Variants in KAT6B observed in about 807,000 individuals in gnomAD.
The protein encoded by KAT6B is lysine acetyltransferase 6B, also known as histone acetyltransferase KAT6B.
A neutral mutation model predicts 187.5 loss-of-function variants in KAT6B; 10 were observed. The ratio of observed to expected loss-of-function variants is 0.05; its 90% CI spans 0.03 to 0.09. The LOEUF (loss-of-function observed/expected upper bound fraction) is 0.09, where lower values mean the gene tolerates loss of function less well. Among genes scored for constraint, KAT6B ranks in the 10% least tolerant of loss-of-function variants. The probability of loss-of-function intolerance (pLI) is 1.00; values close to 1 mark genes in which losing one functional copy is unlikely to be tolerated. For synonymous variants in KAT6B, 861 were observed against 926.8 expected (o/e 0.93, Z 1.29); for missense variants, 1,952 against 2,558.9 (o/e 0.76, Z 5.12).
At chr10:74,937,923 G>GT (rs1326476970) in intron 3 of KAT6B, among the ~76,000 whole-genome samples, 2 of 152,126 alleles carry the variant, frequency 1.3e-5, no homozygotes, top group Non-Finnish European at 1.5e-5. Flanking sequence ...TCACTATAGG[G>GT]TTTAACTCTT....
intron 4 of KAT6B, 28 bp from the exon 5 acceptor site, chr10:74,969,632 T>G: frequency 7.4e-7 from 1 of 1,355,264 alleles, no homozygotes; most frequent in Non-Finnish European, 1.1e-6. Flanking sequence ...ACCATTCCCA[T>G]CAAGCAATTT....
At chr10:74,892,507 C>T (rs1455789132) in intron 3 of KAT6B, among the ~76,000 whole-genome samples, 1 of 152,182 alleles carries the variant, frequency 6.6e-6, no homozygotes, top group Non-Finnish European at 1.5e-5. Context: ...CGCACTGATA[C>T]CTCTAACCAC....
chr10:74,925,783 C>T (rs1178923188), intron 3 of KAT6B, among the ~76,000 whole-genome samples: 1 of 152,176 alleles, frequency 6.6e-6, no homozygotes. Flanking sequence ...TTCTGCTAGA[C>T]TGGGAATTCT....
intron 13 of KAT6B, among the ~76,000 whole-genome samples, chr10:74,996,661 C>G (rs961703225): frequency 6.7e-6 from 1 of 150,144 alleles, no homozygotes; most frequent in South Asian, 2.1e-4. Flanking sequence ...CCCAGCTACT[C>G]GGGAGGCTGA....
At chr10:74,985,482 G>T (rs370690950) in intron 12 of KAT6B, among the ~76,000 whole-genome samples, 1 of 152,176 alleles carries the variant, frequency 6.6e-6, no homozygotes, top group East Asian at 1.9e-4. Context: ...TTGCTGCCTT[G>T]TGGACCACTT....
At chr10:74,982,014 T>A in intron 11 of KAT6B, 86 bp downstream of exon 11, 2 of 1,226,934 alleles carry the variant, frequency 1.6e-6, no homozygotes, top group Non-Finnish European at 2.4e-6. Flanking sequence ...GTTTAGAAGG[T>A]ACAAAGTATA....
At chr10:74,905,144 C>G (rs564733528) in intron 3 of KAT6B, among the ~76,000 whole-genome samples, 2 of 152,212 alleles carry the variant, frequency 1.3e-5, no homozygotes, top group African/African-American at 2.4e-5. Context: ...AAAAATTTTT[C>G]TATTATGGGA....
At chr10:74,934,907 C>G (rs1473063821) in intron 3 of KAT6B, among the ~76,000 whole-genome samples, 1 of 152,146 alleles carries the variant, frequency 6.6e-6, no homozygotes, top group East Asian at 1.9e-4. Flanking sequence ...CCAAAATGAC[C>G]CTTGCTCTTG....
Position 75,032,073 on chromosome 10 carries a change from T to C in KAT6B, c.*1027T>C, listed in dbSNP as rs905728030. 12 of 196,016 alleles carry C rather than the reference T, an allele frequency of 6.1e-5. No individual in the cohort carries two copies. The East Asian group carries it at 8.1e-4, about 13-fold the overall frequency. 12.1% of individuals were successfully genotyped at this position (196,016 alleles called of 1,614,324 possible). A position where few individuals can be genotyped will look rare whatever the true frequency, so the allele number is the denominator to read the frequency against. On this transcript the variant is annotated 3_prime_UTR_variant, in exon 18 of 18. Coordinates refer to ENST00000287239, the MANE Select transcript of KAT6B (RefSeq NM_012330.4). ...GCATGTAAAAAAGCAAAAAAGTTAT[T>C]TGTGTCTGTTTATATTGCTTCCTTT...
chr10:74,970,926 T>A (rs1841807986), intron 6 of KAT6B, among the ~76,000 whole-genome samples: 1 of 152,182 alleles, frequency 6.6e-6, no homozygotes, highest in Non-Finnish European at 1.5e-5. Flanking sequence ...AATAAGTATG[T>A]AGAACTCCAT....
In KAT6B at chr10:75,022,050, T is replaced by C. The variant is rs1206795541; in HGVS notation, c.3191T>C (p.Leu1064Pro). The change falls in exon 16 of 18, where the codon CTG becomes CCG. Residue 1064 changes from leucine (L) to proline (P), a missense_variant. Leu to Pro is a moderately conservative substitution (Grantham distance 98). Transcript: ENST00000287239. ...GGGGAGCGAGGGCAGCTGCTGGAGC[T>C]GTCTAAAGAGAGCAGTGAAGAAGAA... ...VTGERGQLLELSKESSEEEEE... is the reference protein window; with the variant it reads ...VTGERGQLLEPSKESSEEEEE... 2 of 1,613,116 alleles carry C rather than the reference T, an allele frequency of 1.2e-6. No individual in the cohort carries two copies. The highest frequency in any genetic ancestry group is 1.6e-4 in the Middle Eastern group (1 of 6,084).
chr10:74,834,169 A>C (rs1841090439), intron 1 of KAT6B, among the ~76,000 whole-genome samples: 2 of 150,584 alleles, frequency 1.3e-5, no homozygotes, highest in African/African-American at 4.9e-5. Context: ...CACACACCAC[A>C]GCTTGGCTTT....
At chr10:74,921,437 T>C (rs1848127051) in intron 3 of KAT6B, among the ~76,000 whole-genome samples, 1 of 152,192 alleles carries the variant, frequency 6.6e-6, no homozygotes. Context: ...AAAGTATAGA[T>C]GTTTTTAAAC....
intron 3 of KAT6B, among the ~76,000 whole-genome samples, chr10:74,902,279 T>A (rs1846458234): frequency 6.6e-6 from 1 of 152,214 alleles, no homozygotes; most frequent in South Asian, 2.1e-4. Context: ...TTGTTCACGT[T>A]CCAGTTAGCT....
Position 75,031,277 on chromosome 10 carries a change from T to G in KAT6B, c.*231T>G. 1 of 537,924 alleles carries G rather than the reference T, an allele frequency of 1.9e-6. No homozygotes were observed. Among genetic ancestry groups the G allele is most frequent in the South Asian group, 2.2e-5 (1 of 46,020 alleles). The allele number at this position is 537,924 out of a possible 1,614,324, so 33.3% of individuals were successfully genotyped here. A position where few individuals can be genotyped will look rare whatever the true frequency, so the allele number is the denominator to read the frequency against. Reference sequence around the variant, plus strand: ...GGTACCTTCATTTCTGTTACTTTTATATAAAATTCTCTGCAAAGGAAGGCC... The same window carrying G: ...GGTACCTTCATTTCTGTTACTTTTAGATAAAATTCTCTGCAAAGGAAGGCC... On this transcript the variant is annotated 3_prime_UTR_variant, in exon 18 of 18. Coordinates refer to ENST00000287239, the MANE Select transcript of KAT6B (RefSeq NM_012330.4).
chr10:74,931,287 TC>T (rs2133176311), intron 3 of KAT6B, among the ~76,000 whole-genome samples: 1 of 152,304 alleles, frequency 6.6e-6, no homozygotes, highest in African/African-American at 2.4e-5. Context: ...CCCTGTATTT[TC>T]ATCACAGCCA....
rs199887607 is a variant in KAT6B at position 74,972,131 on chromosome 10, AT to A, written c.929-367del. On this transcript the variant is annotated intron_variant, in intron 6 of 17. Transcript: ENST00000287239. ...CTTTCCAGAAAGAGATGATAAGACAATTTTTTTTTCTTCTAGAAATTCCAAA... is the reference window on the plus strand; with the variant it reads ...CTTTCCAGAAAGAGATGATAAGACAATTTTTTTTCTTCTAGAAATTCCAAA... Among the ~76,000 whole-genome samples, 55 of 151,640 alleles carry A rather than the reference AT, an allele frequency of 3.6e-4. 1 individual carries two copies. The highest frequency in any genetic ancestry group is 1.3e-3 in the African/African-American group (52 of 41,366).
chr10:74,828,396 A>G (rs1840436162), intron 1 of KAT6B, among the ~76,000 whole-genome samples: 1 of 151,948 alleles, frequency 6.6e-6, no homozygotes, highest in African/African-American at 2.4e-5. Context: ...GGAAATAGCA[A>G]ATGGAAATTA....
At chr10:74,994,028 T>C (rs971338669) in intron 13 of KAT6B, among the ~76,000 whole-genome samples, 3 of 152,190 alleles carry the variant, frequency 2.0e-5, no homozygotes, top group African/African-American at 4.8e-5. Flanking sequence ...TATATAAATA[T>C]CAATTCTCAT....
Sources: allele counts gnomAD v4.1 joint callset (sites outside exome capture counted in the v4.1 genomes callset), GRCh38; gene constraint gnomAD v4.1.1; transcripts MANE v1.5; gene names NCBI Gene and HGNC (gene_info 2026-07-23, HGNC 2026-07-21).